The following PPP1R1B variants were observed in gnomAD, a reference collection of about 807,000 sequenced individuals.
PPP1R1B encodes the protein protein phosphatase 1 regulatory inhibitor subunit 1B, also known as protein phosphatase 1 regulatory subunit 1B.
PPP1R1B carries 13 observed loss-of-function variants against 28.2 expected under a neutral mutation model. That is an observed-to-expected ratio of 0.46 (90% CI 0.30 to 0.73). PPP1R1B has a LOEUF of 0.73. Ranked by LOEUF, PPP1R1B falls within the 30% of genes least tolerant of loss-of-function variation. The pLI is 0.07. For synonymous variants in PPP1R1B, 102 were observed against 97.5 expected, an observed-to-expected ratio of 1.05 and a Z score of -0.27; for missense variants, 236 against 256.7, an observed-to-expected ratio of 0.92 and a Z score of 0.55.
chr17:39,636,044 A>G lies in PPP1R1B; in HGVS notation c.*179A>G. ...GTTTGCCCACCTTTGGCTGATACCCAGAGAACCTGGGCACTTGCTGCCTGA... is the reference window on the plus strand; with the variant it reads ...GTTTGCCCACCTTTGGCTGATACCCGGAGAACCTGGGCACTTGCTGCCTGA... On this transcript the variant is annotated 3_prime_UTR_variant, in exon 7 of 7. Transcript: ENST00000254079. The G allele has an allele frequency of 1.4e-6, 1 of 690,284 alleles. No homozygotes were observed. The highest frequency in any genetic ancestry group is 2.4e-6 in the Non-Finnish European group (1 of 422,934). The allele number at this position is 690,284 out of a possible 1,614,324, so 42.8% of individuals were successfully genotyped here.
chr17:39,627,110 A>T lies in PPP1R1B; in HGVS notation c.-283A>T, dbSNP rs1028292606. The T allele has an allele frequency of 1.6e-5, 7 of 426,894 alleles. No individual in the cohort carries two copies. Among genetic ancestry groups the T allele is most frequent in the African/African-American group, 1.5e-4 (7 of 47,450 alleles). 26.4% of individuals were successfully genotyped at this position (426,894 alleles called of 1,614,324 possible). A position where few individuals can be genotyped will look rare whatever the true frequency, so the allele number is the denominator to read the frequency against. On this transcript the variant is annotated 5_prime_UTR_variant, in exon 1 of 7. Coordinates refer to ENST00000254079, the MANE Select transcript of PPP1R1B (RefSeq NM_032192.4). The stretch of plus-strand genomic sequence containing the variant: ...GGGAGAGACACCGAGACGCAGAGAC[A>T]CCCAGGCCGGGGAGCGCGAGGGAGC...
At chr17:39,633,140 G>C (rs538921339) in intron 4 of PPP1R1B, 1 of 153,090 alleles carries the variant, frequency 6.5e-6, no homozygotes, top group Admixed American at 6.5e-5. Flanking sequence ...AGCCCTATCT[G>C]AGCAGGTCTT....
rs761145324 is a variant in PPP1R1B, at chr17:39,629,119, G to C, written c.82-51G>C. On this transcript the variant is annotated intron_variant, in intron 1 of 6. Transcript: ENST00000254079. ...TGTTTGTTCCCTGCTGCCTGGGGGT[G>C]GGGGAGGGCTGCAGGTGTCCATCCA... is the stretch of plus-strand genomic sequence containing the variant. 2.6e-5 allele frequency: 41 copies of C among 1,559,464 alleles called. No homozygotes were observed. The East Asian group carries it at 9.0e-4, about 34-fold the overall frequency.
chr17:39,629,966 T>C lies in PPP1R1B; in HGVS notation c.166-6T>C. On this transcript the variant is annotated splice_region_variant and splice_polypyrimidine_tract_variant and intron_variant, in intron 3 of 6. Coordinates refer to ENST00000254079, the MANE Select transcript of PPP1R1B (RefSeq NM_032192.4). The stretch of plus-strand genomic sequence containing the variant: ...AGCCCCTTTAACCTGGCACTTCCCC[T>C]GGCAGAGAGCCTCAGGAGAGGGGCA... 6.2e-7 allele frequency: 1 copy of C among 1,614,078 alleles called. No individual in the cohort carries two copies. The highest frequency in any genetic ancestry group is 8.5e-7 in the Non-Finnish European group (1 of 1,179,952).
Position 39,630,194 on chromosome 17 carries a change from A to G in PPP1R1B, c.241+147A>G, listed in dbSNP as rs2056866860. ...GCGCAACAACCCAACGTAAAGACCA[A>G]TTTTTTCTCAGTCTGGCCTTGCAAA... On this transcript the variant is annotated intron_variant, in intron 4 of 6. Transcript: ENST00000254079. 9.7e-6 allele frequency: 7 copies of G among 718,528 alleles called. No individual in the cohort carries two copies. The South Asian group carries it at 1.2e-4, about 12-fold the overall frequency. The allele number at this position is 718,528 out of a possible 1,614,324, so 44.5% of individuals were successfully genotyped here.
rs573850229 is a variant in PPP1R1B, at chr17:39,630,841, G to A, written c.241+794G>A. On this transcript the variant is annotated intron_variant, in intron 4 of 6. Coordinates refer to ENST00000254079, the MANE Select transcript of PPP1R1B (RefSeq NM_032192.4). Reference sequence around the variant, plus strand: ...TCCCAGCACTTTGGGAGGCCGAGGCGGGCAGATCACCTGAGGTCAGGAGTT... The same window carrying A: ...TCCCAGCACTTTGGGAGGCCGAGGCAGGCAGATCACCTGAGGTCAGGAGTT... 7.2e-5 allele frequency among the ~76,000 whole-genome samples: 11 copies of A among 152,328 alleles called. No individual in the cohort carries two copies. The East Asian group carries it at 2.1e-3, about 29-fold the overall frequency.
chr17:39,635,687 G>A lies in PPP1R1B; in HGVS notation c.526G>A (p.Gly176Arg). 6.2e-7 allele frequency: 1 copy of A among 1,614,126 alleles called. No homozygotes were observed. Among genetic ancestry groups the A allele is most frequent in the South Asian group, 1.1e-5 (1 of 91,080 alleles). ...PPPLDESERD[G>R]GSEDQVEDPA... ...CCCTCTGGATGAGTCCGAGAGAGAT[G>A]GAGGCTCTGAGGACCAAGTGGAAGA... The change falls in exon 6 of 7, where the codon GGA (glycine) becomes AGA (arginine). Residue 176 changes from glycine (G) to arginine (R), a missense_variant. Gly to Arg is a moderately radical substitution (Grantham distance 125). Transcript: ENST00000254079.
chr17:39,635,363 T>C (rs2056911019), intron 5 of PPP1R1B, among the ~76,000 whole-genome samples: 1 of 151,692 alleles, frequency 6.6e-6, no homozygotes, highest in Admixed American at 6.6e-5. Context: ...TATTCACTAT[T>C]ACATCTTGTT....
At position 39,636,125 on chromosome 17, in the gene PPP1R1B, C is replaced by G; in HGVS notation, c.*260C>G. ...ACCCAGCGGGAGGTGGGATGTGAGA[C>G]AGCCCACATTGGAAAATCCAGAAAA... On this transcript the variant is annotated 3_prime_UTR_variant, in exon 7 of 7. Coordinates refer to ENST00000254079, the MANE Select transcript of PPP1R1B (RefSeq NM_032192.4). The G allele has an allele frequency of 1.9e-6, 1 of 533,532 alleles. No individual in the cohort carries two copies. Among genetic ancestry groups the G allele is most frequent in the Non-Finnish European group, 3.4e-6 (1 of 296,198 alleles). 33.0% of individuals were successfully genotyped at this position (533,532 alleles called of 1,614,324 possible).
At position 39,627,081 on chromosome 17, in the gene PPP1R1B, G is replaced by A; in HGVS notation, c.-312G>A. Reference sequence around the variant, plus strand: ...AGACACCGAGACGCAGAGACACTCAGGAGGGGAGAGACACCGAGACGCAGA... The same window carrying A: ...AGACACCGAGACGCAGAGACACTCAAGAGGGGAGAGACACCGAGACGCAGA... On this transcript the variant is annotated 5_prime_UTR_variant, in exon 1 of 7. Coordinates refer to ENST00000254079, the MANE Select transcript of PPP1R1B (RefSeq NM_032192.4). 1 of 386,606 alleles carries A rather than the reference G, an allele frequency of 2.6e-6. No individual in the cohort carries two copies. Among genetic ancestry groups the A allele is most frequent in the Non-Finnish European group, 4.6e-6 (1 of 216,512 alleles). 23.9% of individuals were successfully genotyped at this position (386,606 alleles called of 1,614,324 possible).
chr17:39,633,802 G>T, intron 4 of PPP1R1B, 81 bp from the exon 5 acceptor site: 1 of 1,587,520 alleles, frequency 6.3e-7, no homozygotes, highest in South Asian at 1.1e-5. Flanking sequence ...GAAGGAGGCT[G>T]GGGGCTAGGC....
At position 39,635,716 on chromosome 17, in the gene PPP1R1B, A is replaced by G; in HGVS notation, c.555A>G (p.Pro185=). The part of the protein sequence containing the change: ...DGGSEDQVED[P]ALSEPGEEPQ... Reference sequence around the variant, plus strand: ...GCTCTGAGGACCAAGTGGAAGACCCAGCACTAAGTGGTAAGGCTTGGGAGT... The same window carrying G: ...GCTCTGAGGACCAAGTGGAAGACCCGGCACTAAGTGGTAAGGCTTGGGAGT... The change falls in exon 6 of 7, where the codon CCA becomes CCG. Residue 185 remains proline, a synonymous_variant. Coordinates refer to ENST00000254079, the MANE Select transcript of PPP1R1B (RefSeq NM_032192.4). The G allele has an allele frequency of 6.2e-7, 1 of 1,614,066 alleles. No individual in the cohort carries two copies. Among genetic ancestry groups the G allele is most frequent in the Non-Finnish European group, 8.5e-7 (1 of 1,179,998 alleles).
chr17:39,635,667 T>G lies in PPP1R1B; in HGVS notation c.506T>G (p.Leu169Arg). 1 of 1,614,054 alleles carries G rather than the reference T, an allele frequency of 6.2e-7. No individual in the cohort carries two copies. The highest frequency in any genetic ancestry group is 8.5e-7 in the Non-Finnish European group (1 of 1,180,010). The part of the protein sequence containing the change: ...LEGPWERPPP[L>R]DESERDGGSE... ...GGGCCCTGGGAGCGCCCACCCCCTC[T>G]GGATGAGTCCGAGAGAGATGGAGGC... The change falls in exon 6 of 7, where the codon CTG (leucine) becomes CGG (arginine). Residue 169 changes from leucine to arginine, a missense_variant. Coordinates refer to ENST00000254079, the MANE Select transcript of PPP1R1B (RefSeq NM_032192.4).
chr17:39,628,019 G>A (rs532287495), intron 1 of PPP1R1B, among the ~76,000 whole-genome samples: 1 of 152,282 alleles, frequency 6.6e-6, no homozygotes, highest in Admixed American at 6.5e-5. Context: ...TCAGGCCCCA[G>A]AGCCCCAACC....
chr17:39,633,815 C>T (rs1039763835), intron 4 of PPP1R1B, 68 bp from the exon 5 acceptor site: 38 of 1,597,426 alleles, frequency 2.4e-5, no homozygotes, highest in Non-Finnish European at 1.5e-5. Context: ...GGCTAGGCCA[C>T]AGGCTATCTC....
rs974179994 is a variant in PPP1R1B, at chr17:39,636,183, C to T, written c.*318C>T. ...CAGGGATTTGCCCTTCACAATTCTA[C>T]TCCCCAGATCCTCTCCCCTGGACAC... On this transcript the variant is annotated 3_prime_UTR_variant, in exon 7 of 7. Coordinates refer to ENST00000254079, the MANE Select transcript of PPP1R1B (RefSeq NM_032192.4). 2 of 385,784 alleles carry T rather than the reference C, an allele frequency of 5.2e-6. No individual in the cohort carries two copies. The highest frequency in any genetic ancestry group is 5.3e-5 in the East Asian group (1 of 19,022). 23.9% of individuals were successfully genotyped at this position (385,784 alleles called of 1,614,324 possible).
chr17:39,629,937 G>A, intron 3 of PPP1R1B, 35 bp from the exon 4 acceptor site: 1 of 1,605,332 alleles, frequency 6.2e-7, no homozygotes, highest in African/African-American at 1.3e-5. Context: ...AAGGGCCTCT[G>A]CTGAGCCCCT....
At chr17:39,635,466 G>A (rs1327464836) in intron 5 of PPP1R1B, 141 bp from the exon 6 acceptor site, 15 of 1,153,330 alleles carry the variant, frequency 1.3e-5, no homozygotes, top group African/African-American at 6.2e-5. Context: ...TGGGAGAGCT[G>A]TTCTAGCCCA....
chr17:39,629,437 A>C (rs1392630261), intron 2 of PPP1R1B, 103 bp from the exon 3 acceptor site: 2 of 1,480,090 alleles, frequency 1.4e-6, no homozygotes, highest in East Asian at 4.5e-5. Context: ...GTCCCCAGAG[A>C]TTGAGACCCT....
Sources: allele counts gnomAD v4.1 joint callset (sites outside exome capture counted in the v4.1 genomes callset), GRCh38; gene constraint gnomAD v4.1.1; transcripts MANE v1.5; gene names NCBI Gene and HGNC (gene_info 2026-07-23, HGNC 2026-07-21).